FAM53A: variants seen among roughly 807,000 people sequenced by gnomAD.
FAM53A encodes protein FAM53A.
A neutral mutation model predicts 26.6 loss-of-function variants in FAM53A; 28 were observed. The observed-to-expected ratio is 1.05, with a 90% confidence interval of 0.78 to 1.45. FAM53A has a LOEUF of 1.45. FAM53A is among the 40% of genes most tolerant of loss of function. FAM53A has a pLI of 0.00. For synonymous variants in FAM53A, 290 were observed against 253.1 expected, an observed-to-expected ratio of 1.15 and a Z score of -1.38; for missense variants, 650 against 575.8, an observed-to-expected ratio of 1.13 and a Z score of -1.32.
downstream of FAM53A, among the ~76,000 whole-genome samples, chr4:1,613,830 C>T (rs902951764): frequency 2.6e-5 from 4 of 152,116 alleles, no homozygotes; most frequent in African/African-American, 7.2e-5. Flanking sequence ...TTTTACATAA[C>T]TCAAAAACTA....
In FAM53A at chr4:1,668,802, T is replaced by C; in HGVS notation, c.-61A>G. ...GCACTGGAGTCCTGGAACATCAGAC[T>C]TGCGAAGGCCCCAGCATTGCTGGGT... On this transcript the variant is annotated 5_prime_UTR_variant, in exon 2 of 5. Coordinates refer to ENST00000308132, the MANE Select transcript of FAM53A (RefSeq NM_001174070.3). 1 of 1,541,130 alleles carries C rather than the reference T, an allele frequency of 6.5e-7. No individual in the cohort carries two copies. The highest frequency in any genetic ancestry group is 1.7e-4 in the Middle Eastern group (1 of 5,922).
the FAM53A span, among the ~76,000 whole-genome samples, chr4:1,590,743 C>T: frequency 6.6e-6 from 1 of 151,496 alleles, no homozygotes; most frequent in Non-Finnish European, 1.5e-5. Context: ...AATCTGTATT[C>T]TCCATGAGAT....
At chr4:1,637,163 G>A (rs372275108), downstream of FAM53A, among the ~76,000 whole-genome samples, 43 of 151,010 alleles carry the variant, frequency 2.8e-4, 1 homozygote, top group East Asian at 8.2e-3. Context: ...GGGCTGGGCT[G>A]CCATGCCTCC....
chr4:1,635,710 G>A (rs185140778), downstream of FAM53A, among the ~76,000 whole-genome samples: 9 of 152,014 alleles, frequency 5.9e-5, no homozygotes, highest in Admixed American at 1.3e-4. Context: ...TCTCACTTCC[G>A]TTGATTTCTT....
chr4:1,591,850 A>T, the FAM53A span, among the ~76,000 whole-genome samples: 1 of 152,146 alleles, frequency 6.6e-6, no homozygotes, highest in Non-Finnish European at 1.5e-5. Context: ...TCCTTTACAA[A>T]TTGGGAAGCT....
chr4:1,656,188 G>C (rs1473715764), intron 3 of FAM53A, among the ~76,000 whole-genome samples: 2 of 152,160 alleles, frequency 1.3e-5, no homozygotes, highest in Non-Finnish European at 2.9e-5. Context: ...TGCTGCCACG[G>C]TCTTCAGGGA....
At chr4:1,624,429 CA>C (rs1715191052) in intron 1 of FAM53A, among the ~76,000 whole-genome samples, 1 of 152,190 alleles carries the variant, frequency 6.6e-6, no homozygotes, top group African/African-American at 2.4e-5. Flanking sequence ...CCCCGAACCA[CA>C]AATGTGACAG....
At chr4:1,676,404 C>A (rs1001536906) in intron 1 of FAM53A, among the ~76,000 whole-genome samples, 2 of 152,212 alleles carry the variant, frequency 1.3e-5, no homozygotes, top group African/African-American at 4.8e-5. Flanking sequence ...ATTACATCTG[C>A]AACAACCCTA....
chr4:1,619,254 C>T (rs1173750273), intron 1 of FAM53A, among the ~76,000 whole-genome samples: 3 of 152,234 alleles, frequency 2.0e-5, no homozygotes, highest in Non-Finnish European at 2.9e-5. Flanking sequence ...TTGTGGCGAG[C>T]GGCCCCTTAC....
At position 1,655,457 on chromosome 4, in the gene FAM53A, A is replaced by G; in HGVS notation, c.403T>C (p.Ser135Pro). The change falls in exon 4 of 5, where the codon TCC (serine) becomes CCC (proline). Residue 135 changes from serine (S) to proline (P), a missense_variant. Physicochemically the swap from Ser to Pro is moderately conservative, Grantham distance 74 (BLOSUM62 -1). Transcript: ENST00000308132. ...TTGGAGCTGCCGGGGCGCCAGGGGG[A>G]CCGGCAGCGCACAAGCTCCTCGGGT... ...SEPEELVRCRSPWRPGSSKVW... is the reference protein window; with the variant it reads ...SEPEELVRCRPPWRPGSSKVW... 3 of 1,548,770 alleles carry G rather than the reference A, an allele frequency of 1.9e-6. No individual in the cohort carries two copies. Among genetic ancestry groups the G allele is most frequent in the East Asian group, 2.3e-5 (1 of 42,730 alleles).
In FAM53A at chr4:1,655,892, C is replaced by T. The variant is rs182803765; in HGVS notation, c.137-169G>A. Among the ~76,000 whole-genome samples the T allele has an allele frequency of 4.3e-3, 655 of 152,320 alleles. 6 individuals carry two copies. Among genetic ancestry groups the T allele is most frequent in the African/African-American group, 0.015 (620 of 41,566 alleles). ...CGTGGCGCACAGTGGACACCAGCCC[C>T]GCCTGCCCTTGCTGGGTTAGCTGCG... On this transcript the variant is annotated intron_variant, in intron 3 of 4. Coordinates refer to ENST00000308132, the MANE Select transcript of FAM53A (RefSeq NM_001174070.3).
chr4:1,660,047 G>A (rs543637708), intron 2 of FAM53A, among the ~76,000 whole-genome samples: 1 of 151,936 alleles, frequency 6.6e-6, no homozygotes, highest in African/African-American at 2.4e-5. Flanking sequence ...CTGAATCCCA[G>A]CACGGCGGGA....
intron 4 of FAM53A, chr4:1,644,482 G>T: frequency 2.8e-6 from 3 of 1,088,490 alleles, no homozygotes; most frequent in Non-Finnish European, 3.8e-6. Context: ...AACTGAAGGG[G>T]CCACCCACGC....
Position 1,673,476 on chromosome 4 carries a change from G to A in FAM53A, c.-164-4571C>T, listed in dbSNP as rs550566756. Among the ~76,000 whole-genome samples the A allele has an allele frequency of 6.6e-5, 10 of 152,354 alleles. No homozygotes were observed. In the South Asian group the frequency reaches 1.9e-3, roughly 28 times the overall value. On this transcript the variant is annotated intron_variant, in intron 1 of 4. Transcript: ENST00000308132. ...AGGCTGGGCGCGGTGGCTCATGCCT[G>A]TAATCCCAGCACCTTGGGAGGCCGA...
the FAM53A span, among the ~76,000 whole-genome samples, chr4:1,583,902 C>A: frequency 7.9e-5 from 12 of 152,376 alleles, no homozygotes; most frequent in African/African-American, 2.9e-4. Flanking sequence ...GTTTATCTCA[C>A]TGCTGTTTCC....
rs115633357 is a variant in FAM53A, at chr4:1,658,247, C to T, written c.76-779G>A. On this transcript the variant is annotated intron_variant, in intron 2 of 4. Coordinates refer to ENST00000308132, the MANE Select transcript of FAM53A (RefSeq NM_001174070.3). ...GTGTCAGCCAGGATGGTCTCGATCTCTTCACCTCGTGATCTTCCCGCCTCA... is the reference window on the plus strand; with the variant it reads ...GTGTCAGCCAGGATGGTCTCGATCTTTTCACCTCGTGATCTTCCCGCCTCA... Among the ~76,000 whole-genome samples the T allele has an allele frequency of 7.0e-3, 1,065 of 152,144 alleles. 11 individuals are homozygous for T. Among genetic ancestry groups the T allele is most frequent in the African/African-American group, 0.024 (1,007 of 41,502 alleles).
the FAM53A span, among the ~76,000 whole-genome samples, chr4:1,590,033 T>C: frequency 0.4 from 60,579 of 152,042 alleles, 12,453 homozygotes; most frequent in Admixed American, 0.45. Flanking sequence ...TTCAAAATCA[T>C]AATTTTTTTT....
downstream of FAM53A, among the ~76,000 whole-genome samples, chr4:1,638,423 G>C (rs987681831): frequency 2.0e-5 from 3 of 152,138 alleles, no homozygotes; most frequent in Admixed American, 6.5e-5. Flanking sequence ...CCCCACCGAG[G>C]GCCCCACCAA....
downstream of FAM53A, among the ~76,000 whole-genome samples, chr4:1,638,817 C>T (rs1049683365): frequency 2.6e-5 from 4 of 152,218 alleles, no homozygotes; most frequent in Non-Finnish European, 4.4e-5. Context: ...CCTCCTCCTG[C>T]CTGTCCTTGA....
Sources: gnomAD v4.1 joint callset for allele counts (sites outside exome capture counted in the v4.1 genomes callset) on GRCh38, gnomAD v4.1.1 for gene constraint, MANE v1.5 for transcripts, NCBI Gene and HGNC (gene_info 2026-07-23, HGNC 2026-07-21) for gene names.